The following SH3D19 variants were observed in gnomAD, a reference collection of about 807,000 sequenced individuals.
SH3D19 encodes SH3 domain-containing protein 19.
A neutral mutation model predicts 112.1 loss-of-function variants in SH3D19; 58 were observed. The observed-to-expected ratio is 0.52, with a 90% CI of 0.42 to 0.64. The LOEUF (loss-of-function observed/expected upper bound fraction) is 0.64, where lower values mean the gene tolerates loss of function less well. SH3D19 is among the 30% of genes least tolerant of loss of function. The pLI is 0.00. For missense variants in SH3D19, 1,090 were observed against 1,263.4 expected, an observed-to-expected ratio of 0.86 and a Z score of 2.08; for synonymous variants, 391 against 448.5, an observed-to-expected ratio of 0.87 and a Z score of 1.62.
chr4:151,305,416 T>C (rs1728825843), intron 1 of SH3D19, among the ~76,000 whole-genome samples: 1 of 152,250 alleles, frequency 6.6e-6, no homozygotes, highest in Non-Finnish European at 1.5e-5. Context: ...TTTCTCCTAG[T>C]CTGTAGCTTA....
intron 1 of SH3D19, among the ~76,000 whole-genome samples, chr4:151,287,341 CAAAAA>C (rs34944826): frequency 7.3e-5 from 6 of 82,386 alleles, no homozygotes; most frequent in Admixed American, 2.8e-4. Flanking sequence ...ACTCTGTCTC[CAAAAA>C]AAAAAAAAAA....
intron 7 of SH3D19, among the ~76,000 whole-genome samples, chr4:151,172,526 C>T (rs986379359): frequency 2.0e-5 from 3 of 152,146 alleles, no homozygotes; most frequent in Non-Finnish European, 4.4e-5. Flanking sequence ...GTAAAACCAG[C>T]AGGAGTTGGT....
At chr4:151,186,146 T>C (rs111282718) in intron 3 of SH3D19, among the ~76,000 whole-genome samples, 9 of 152,342 alleles carry the variant, frequency 5.9e-5, no homozygotes, top group African/African-American at 2.2e-4. Context: ...CCTATCTTTA[T>C]CCTTTTCTAA....
At chr4:151,151,106 G>A (rs560793256) in intron 9 of SH3D19, among the ~76,000 whole-genome samples, 2 of 152,026 alleles carry the variant, frequency 1.3e-5, no homozygotes, top group Admixed American at 1.3e-4. Flanking sequence ...GACTACAGGC[G>A]TGTGCCACCC....
chr4:151,189,437 CAG>C (rs1187622929), intron 2 of SH3D19, among the ~76,000 whole-genome samples: 2 of 152,096 alleles, frequency 1.3e-5, no homozygotes, highest in Non-Finnish European at 2.9e-5. Flanking sequence ...TTAAGTCACT[CAG>C]TGATATGGTT....
chr4:151,288,656 G>A (rs113859181), intron 1 of SH3D19, among the ~76,000 whole-genome samples: 4 of 151,568 alleles, frequency 2.6e-5, no homozygotes, highest in African/African-American at 7.3e-5. Context: ...GCGGGGCAAC[G>A]AAGCGAGACT....
At chr4:151,165,534 T>A in intron 8 of SH3D19, 55 bp downstream of exon 8, 1 of 1,332,556 alleles carries the variant, frequency 7.5e-7, no homozygotes, top group Non-Finnish European at 1.1e-6. Context: ...TAAATTAGCA[T>A]ATATTTCTCC....
chr4:151,175,440 G>A lies in SH3D19; in HGVS notation c.764C>T (p.Ala255Val). 1 of 1,516,478 alleles carries A rather than the reference G, an allele frequency of 6.6e-7. No homozygotes were observed. The allele number at this position is 1,516,478 out of a possible 1,614,324, so 93.9% of individuals were successfully genotyped here. ...GCCTGGGGATGACTCCTCTCCTACG[G>A]CTGCTGGGCTGATTTTCTGTTGACT... ...EQSQQKISPAAVGEESSPGRP... is the reference protein window; with the variant it reads ...EQSQQKISPAVVGEESSPGRP... Residue 255 changes from alanine (A) to valine (V), a missense_variant, in exon 7 of 20, where the codon GCC becomes GTC. Coordinates refer to ENST00000604030, the MANE Select transcript of SH3D19 (RefSeq NM_001378122.1).
chr4:151,285,099 T>A (rs1044171639), intron 1 of SH3D19, among the ~76,000 whole-genome samples: 1 of 151,832 alleles, frequency 6.6e-6, no homozygotes, highest in Admixed American at 6.6e-5. Flanking sequence ...AGCCACTTTT[T>A]AAAAAAAAGA....
At chr4:151,312,109 T>C (rs1729514134) in intron 1 of SH3D19, among the ~76,000 whole-genome samples, 1 of 152,198 alleles carries the variant, frequency 6.6e-6, no homozygotes, top group Non-Finnish European at 1.5e-5. Flanking sequence ...GTGGTAATTA[T>C]TTCACAATGT....
chr4:151,224,817 G>A (rs1768725520), intron 2 of SH3D19, among the ~76,000 whole-genome samples: 1 of 152,094 alleles, frequency 6.6e-6, no homozygotes, highest in Non-Finnish European at 1.5e-5. Context: ...AAGTAGCTGC[G>A]ATTACAGGTG....
chr4:151,282,248 C>T (rs1452360038), intron 1 of SH3D19: 2 of 1,613,958 alleles, frequency 1.2e-6, no homozygotes, highest in Admixed American at 1.7e-5. Flanking sequence ...CGTCATCCAT[C>T]CCAAGTACCA....
At position 151,291,124 on chromosome 4, in the gene SH3D19, T is replaced by G. The variant is rs774987956; in HGVS notation, c.112+34117A>C. The stretch of plus-strand genomic sequence containing the variant: ...CCTTTCATTTCTTCCTTAGGGTGAT[T>G]CTGGAGGGCCTCTGTCGTGTCACAT... On this transcript the variant is annotated intron_variant, in intron 1 of 19. Transcript: ENST00000604030. 6 of 1,609,778 alleles carry G rather than the reference T, an allele frequency of 3.7e-6. No homozygotes were observed. The Admixed American group carries it at 5.0e-5, about 13-fold the overall frequency.
chr4:151,160,921 A>AG (rs1757043798), intron 8 of SH3D19, among the ~76,000 whole-genome samples: 1 of 152,292 alleles, frequency 6.6e-6, no homozygotes, highest in East Asian at 1.9e-4. Flanking sequence ...CATCCAACTC[A>AG]GTCACCATCT....
intron 12 of SH3D19, chr4:151,140,245 T>G (rs1752750848): frequency 6.4e-6 from 1 of 156,686 alleles, no homozygotes; most frequent in South Asian, 2.0e-4. Context: ...TTAAAAGTTG[T>G]GTCTTTATTA....
intron 1 of SH3D19, among the ~76,000 whole-genome samples, chr4:151,233,266 A>T (rs971977104): frequency 6.6e-6 from 1 of 152,004 alleles, no homozygotes; most frequent in South Asian, 2.1e-4. Flanking sequence ...ATAATAATAT[A>T]AATAAAGTAC....
rs186613877 is a variant in SH3D19 at position 151,280,239 on chromosome 4, C to T, written c.112+45002G>A. On this transcript the variant is annotated intron_variant, in intron 1 of 19. Transcript: ENST00000604030. ...TTTTGTCGTGTTTTTGGGTCATAAACACAATCTGAGCTCTAAGAGCCACTG... is the reference window on the plus strand; with the variant it reads ...TTTTGTCGTGTTTTTGGGTCATAAATACAATCTGAGCTCTAAGAGCCACTG... 6.6e-5 allele frequency among the ~76,000 whole-genome samples: 10 copies of T among 152,238 alleles called. No individual in the cohort carries two copies. In the South Asian group the frequency reaches 1.2e-3, roughly 19 times the overall value.
At chr4:151,319,751 G>T (rs989803924) in intron 1 of SH3D19, among the ~76,000 whole-genome samples, 4 of 152,166 alleles carry the variant, frequency 2.6e-5, no homozygotes, top group African/African-American at 7.2e-5. Context: ...TCAGTTTGTT[G>T]TAAGAATCCA....
At chr4:151,298,519 T>G (rs185547989) in intron 1 of SH3D19, among the ~76,000 whole-genome samples, 223 of 152,288 alleles carry the variant, frequency 1.5e-3, no homozygotes, top group Admixed American at 7.1e-3. Context: ...GCTAATTTGT[T>G]ATAACAGCAA....
Sources: gnomAD v4.1 joint callset for allele counts (sites outside exome capture counted in the v4.1 genomes callset) on GRCh38, gnomAD v4.1.1 for gene constraint, MANE v1.5 for transcripts, NCBI Gene and HGNC (gene_info 2026-07-23, HGNC 2026-07-21) for gene names.